Variants in ESRRG observed in about 807,000 individuals in gnomAD.
ESRRG encodes estrogen-related receptor gamma.
ESRRG carries 13 observed loss-of-function variants against 44.0 expected under a neutral mutation model. The ratio of observed to expected loss-of-function variants is 0.30; its 90% confidence interval spans 0.19 to 0.47. The LOEUF is 0.47. ESRRG is among the 20% of genes least tolerant of loss of function. ESRRG has a pLI of 1.00. For synonymous variants in ESRRG, 215 were observed against 214.6 expected, an observed-to-expected ratio of 1.00 and a Z score of -0.02; for missense variants, 395 against 580.6, an observed-to-expected ratio of 0.68 and a Z score of 3.29.
intron 2 of ESRRG, among the ~76,000 whole-genome samples, chr1:216,900,048 GT>G (rs2058882746): frequency 6.6e-6 from 1 of 152,146 alleles, no homozygotes; most frequent in Admixed American, 6.5e-5. Context: ...AAATTCAACA[GT>G]TTTGTCGTCT....
At position 216,886,559 on chromosome 1, in the gene ESRRG, A is replaced by G. The variant is rs144039956; in HGVS notation, c.-14+53023T>C. Reference sequence around the variant, plus strand: ...ATCATAATCCATGAATGTGCTGTAAATATGCCTTGAAAAGCTTCCTCATCC... The same window carrying G: ...ATCATAATCCATGAATGTGCTGTAAGTATGCCTTGAAAAGCTTCCTCATCC... On this transcript the variant is annotated intron_variant, in intron 2 of 7. Transcript: ENST00000359162. Among the ~76,000 whole-genome samples, 212 of 152,324 alleles carry G rather than the reference A, an allele frequency of 1.4e-3. 5 individuals are homozygous for G. Among genetic ancestry groups the G allele is most frequent in the Admixed American group, 0.011 (175 of 15,300 alleles).
At chr1:216,695,842 T>A (rs1559275063) in intron 1 of ESRRG, among the ~76,000 whole-genome samples, 1 of 152,212 alleles carries the variant, frequency 6.6e-6, no homozygotes, top group Non-Finnish European at 1.5e-5. Context: ...GTGGTTAGCA[T>A]GGGGACTCAC....
chr1:216,825,711 G>A (rs1360011249), intron 2 of ESRRG, among the ~76,000 whole-genome samples: 1 of 152,200 alleles, frequency 6.6e-6, no homozygotes, highest in Non-Finnish European at 1.5e-5. Flanking sequence ...AACCAGTTGA[G>A]ATTGCTTATG....
intron 3 of ESRRG, among the ~76,000 whole-genome samples, chr1:216,585,552 T>C (rs1280787829): frequency 6.6e-6 from 1 of 152,112 alleles, no homozygotes; most frequent in African/African-American, 2.4e-5. Context: ...CTAACATCTT[T>C]GAGAAAAATG....
chr1:216,519,064 G>T, intron 6 of ESRRG, 88 bp downstream of exon 6: 2 of 1,205,636 alleles, frequency 1.7e-6, no homozygotes, highest in Non-Finnish European at 2.4e-6. Flanking sequence ...TTACAAACCA[G>T]GTCTAGCAAA....
At chr1:216,958,986 G>T (rs1561190) in intron 1 of ESRRG, among the ~76,000 whole-genome samples, 1 of 151,726 alleles carries the variant, frequency 6.6e-6, no homozygotes, top group Non-Finnish European at 1.5e-5. Flanking sequence ...TATTTTTCCC[G>T]TAACACTTAC....
chr1:216,616,136 G>T (rs752573086), intron 3 of ESRRG, among the ~76,000 whole-genome samples: 22 of 152,150 alleles, frequency 1.4e-4, no homozygotes, highest in Non-Finnish European at 3.1e-4. Context: ...TACTAGGGTC[G>T]CTGTGGTGGA....
intron 5 of ESRRG, among the ~76,000 whole-genome samples, chr1:216,525,673 A>AT (rs2047441531): frequency 6.6e-6 from 1 of 152,174 alleles, no homozygotes; most frequent in South Asian, 2.1e-4. Context: ...GACTCTAAAA[A>AT]ATATATTTAA....
intron 2 of ESRRG, among the ~76,000 whole-genome samples, chr1:216,755,718 T>C (rs563173578): frequency 2.6e-5 from 4 of 152,012 alleles, no homozygotes; most frequent in Non-Finnish European, 5.9e-5. Flanking sequence ...TTTATAGAAC[T>C]GAATCTTCTT....
At chr1:216,937,286 CA>C (rs1316734731) in intron 2 of ESRRG, among the ~76,000 whole-genome samples, 1 of 151,782 alleles carries the variant, frequency 6.6e-6, no homozygotes. Context: ...CTCGTTTTGC[CA>C]AAAAGGTATT....
At chr1:216,669,299 G>T (rs2074659075) in intron 2 of ESRRG, among the ~76,000 whole-genome samples, 1 of 152,092 alleles carries the variant, frequency 6.6e-6, no homozygotes, top group Non-Finnish European at 1.5e-5. Flanking sequence ...CCGTGGAAAA[G>T]GAATCACTAC....
chr1:216,774,894 C>T (rs558604738), intron 2 of ESRRG, among the ~76,000 whole-genome samples: 3 of 146,324 alleles, frequency 2.1e-5, no homozygotes, highest in East Asian at 2.1e-4. Context: ...TTTGGACTCC[C>T]GGGCTTAAGC....
intron 1 of ESRRG, among the ~76,000 whole-genome samples, chr1:217,125,924 T>C (rs921096950): frequency 1.3e-5 from 2 of 152,212 alleles, no homozygotes; most frequent in Non-Finnish European, 2.9e-5. Flanking sequence ...GTGGGTATTA[T>C]TGAAATTTCT....
chr1:216,551,728 A>G (rs977163070), intron 5 of ESRRG, among the ~76,000 whole-genome samples: 3 of 152,186 alleles, frequency 2.0e-5, no homozygotes, highest in Admixed American at 6.5e-5. Context: ...CAATGCTTAC[A>G]TGGTATGTTC....
At chr1:216,681,439 C>A (rs558741779) in intron 1 of ESRRG, among the ~76,000 whole-genome samples, 4 of 152,224 alleles carry the variant, frequency 2.6e-5, no homozygotes, top group African/African-American at 9.6e-5. Context: ...GCTATCCCTC[C>A]CTGCTCCCCC....
At chr1:216,678,025 A>G (rs1233260791) in intron 1 of ESRRG, among the ~76,000 whole-genome samples, 2 of 152,328 alleles carry the variant, frequency 1.3e-5, no homozygotes, top group South Asian at 2.1e-4. Flanking sequence ...GATGATCCTC[A>G]GCTCTGTAAT....
intron 1 of ESRRG, among the ~76,000 whole-genome samples, chr1:216,964,659 C>T (rs2069859525): frequency 6.6e-6 from 1 of 152,062 alleles, no homozygotes; most frequent in African/African-American, 2.4e-5. Flanking sequence ...ATTACCCAAA[C>T]TCACTTCTTC....
chr1:216,972,748 T>C (rs1159837649), intron 1 of ESRRG, among the ~76,000 whole-genome samples: 1 of 152,202 alleles, frequency 6.6e-6, no homozygotes, highest in Non-Finnish European at 1.5e-5. Context: ...GCCACTGTTA[T>C]TTCATCTGAA....
At chr1:217,096,569 G>T (rs1580563600) in intron 1 of ESRRG, among the ~76,000 whole-genome samples, 1 of 150,454 alleles carries the variant, frequency 6.6e-6, no homozygotes, top group East Asian at 1.9e-4. Context: ...GATCCTTAGA[G>T]CACTGGTGTT....
Sources: allele counts gnomAD v4.1 joint callset (sites outside exome capture counted in the v4.1 genomes callset), GRCh38; gene constraint gnomAD v4.1.1; transcripts MANE v1.5; gene names NCBI Gene and HGNC (gene_info 2026-07-23, HGNC 2026-07-21).